The following KIF3C variants were observed in gnomAD, a reference collection of about 807,000 sequenced individuals.
KIF3C encodes kinesin-like protein KIF3C.
Under a neutral mutation model 67.7 loss-of-function variants are expected in KIF3C, and 12 were observed. The observed-to-expected ratio is 0.18, with a 90% confidence interval of 0.11 to 0.29. The LOEUF (loss-of-function observed/expected upper bound fraction) is 0.29. KIF3C is among the 10% of genes least tolerant of loss of function. KIF3C has a pLI of 1.00. For missense variants in KIF3C, 789 were observed against 1,059.6 expected (o/e 0.74, Z 3.55); for synonymous variants, 393 against 426.2 (o/e 0.92, Z 0.96).
At chr2:25,977,310 G>A (rs1217703919) in intron 1 of KIF3C, among the ~76,000 whole-genome samples, 1 of 152,164 alleles carries the variant, frequency 6.6e-6, no homozygotes, top group Non-Finnish European at 1.5e-5. Flanking sequence ...GAGTGAATGA[G>A]GGCACTGGGT....
intron 5 of KIF3C, among the ~76,000 whole-genome samples, chr2:25,935,988 G>A (rs1482699122): frequency 6.6e-6 from 1 of 151,888 alleles, no homozygotes; most frequent in South Asian, 2.1e-4. Flanking sequence ...TCGGGAGGCT[G>A]AGACTGGAGA....
intron 5 of KIF3C, among the ~76,000 whole-genome samples, chr2:25,930,846 C>A (rs1344652871): frequency 6.6e-6 from 1 of 151,992 alleles, no homozygotes; most frequent in South Asian, 2.1e-4. Context: ...GCCTAACACC[C>A]GGCTAATTTT....
intron 1 of KIF3C, among the ~76,000 whole-genome samples, chr2:25,972,652 G>A (rs1440763054): frequency 1.3e-5 from 2 of 152,180 alleles, no homozygotes; most frequent in Non-Finnish European, 1.5e-5. Flanking sequence ...ACATGTGGAT[G>A]GAACCAGATC....
intron 5 of KIF3C, among the ~76,000 whole-genome samples, chr2:25,937,913 G>GGT (rs1663175634): frequency 6.7e-6 from 1 of 148,396 alleles, no homozygotes; most frequent in Non-Finnish European, 1.5e-5. Flanking sequence ...AAATTAGCTG[G>GGT]GTGTGGTAGC....
intron 1 of KIF3C, among the ~76,000 whole-genome samples, chr2:25,977,717 T>C (rs1018951575): frequency 1.3e-5 from 2 of 152,142 alleles, no homozygotes; most frequent in Non-Finnish European, 2.9e-5. Context: ...CCCTGGGAAA[T>C]AGGCAGGACT....
intron 1 of KIF3C, among the ~76,000 whole-genome samples, chr2:25,977,124 T>G (rs1664439086): frequency 6.6e-6 from 1 of 152,082 alleles, no homozygotes; most frequent in Admixed American, 6.6e-5. Flanking sequence ...CTCACACATT[T>G]GCACACCCGA....
chr2:25,928,542 T>G lies in KIF3C; in HGVS notation c.*436A>C, dbSNP rs1199333168. 1 of 156,232 alleles carries G rather than the reference T, an allele frequency of 6.4e-6. No homozygotes were observed. The allele number at this position is 156,232 out of a possible 1,614,324, so 9.7% of individuals were successfully genotyped here. On this transcript the variant is annotated 3_prime_UTR_variant, in exon 8 of 8. Transcript: ENST00000264712. The stretch of plus-strand genomic sequence containing the variant: ...CAAGCAGTCTCCCAGTCCCAGAAAG[T>G]GCTCAGGGGCTGCTCGCCATCAGTG...
chr2:25,962,889 AATATAAAATATATATAATATATAAT>A (rs1664004593), intron 1 of KIF3C, among the ~76,000 whole-genome samples: 2 of 61,158 alleles, frequency 3.3e-5, no homozygotes, highest in Non-Finnish European at 5.5e-5. Flanking sequence ...AAATATATAT[AATATAAAATATATATAATATATAAT>A]ATATATAATA....
chr2:25,962,981 AATATATAAT>A (rs1425852648), intron 1 of KIF3C, among the ~76,000 whole-genome samples: 5 of 44,088 alleles, frequency 1.1e-4, no homozygotes, highest in East Asian at 2.2e-3. Flanking sequence ...TATAATATAT[AATATATAAT>A]ATATATAATA....
intron 1 of KIF3C, among the ~76,000 whole-genome samples, chr2:25,976,323 C>T (rs192531822): frequency 6.6e-6 from 1 of 152,306 alleles, no homozygotes; most frequent in Non-Finnish European, 1.5e-5. Flanking sequence ...TCCCTCCAGA[C>T]CTTCTTATTG....
intron 5 of KIF3C, among the ~76,000 whole-genome samples, chr2:25,932,659 C>A (rs1469895628): frequency 1.3e-5 from 2 of 150,058 alleles, no homozygotes; most frequent in Non-Finnish European, 3.0e-5. Context: ...ATGGTGAAAC[C>A]CTGTCTTTAC....
intron 1 of KIF3C, among the ~76,000 whole-genome samples, chr2:25,973,724 T>C (rs1664338456): frequency 6.6e-6 from 1 of 152,146 alleles, no homozygotes; most frequent in Non-Finnish European, 1.5e-5. Flanking sequence ...CCTGCTTCCA[T>C]AATTCGTACT....
chr2:25,971,699 C>A (rs150274714), intron 1 of KIF3C, among the ~76,000 whole-genome samples: 1 of 151,522 alleles, frequency 6.6e-6, no homozygotes, highest in African/African-American at 2.4e-5. Flanking sequence ...GAAAGAGAGA[C>A]CATTTTGTTT....
chr2:25,980,512 T>G lies in KIF3C; in HGVS notation c.1406A>C (p.Glu469Ala), dbSNP rs752200111. The G allele has an allele frequency of 1.9e-6, 3 of 1,612,990 alleles. No individual in the cohort carries two copies. Among genetic ancestry groups the G allele is most frequent in the Non-Finnish European group, 2.5e-6 (3 of 1,179,922 alleles). ...ATCCTGGATGGCTGCCTTCTCCTCC[T>G]CCAGCCGCTCCTTCTGTTCCTGCAG... The part of the protein sequence containing the change: ...NYLQEQKERL[E>A]EEKAAIQDDR... The change falls in exon 1 of 8, where the codon GAG becomes GCG. Residue 469 changes from glutamate (E) to alanine (A), a missense_variant. Transcript: ENST00000264712. The surrounding 1 kb of genome is among the most constrained non-coding windows in gnomAD (Gnocchi z 7.6).
Position 25,978,453 on chromosome 2 carries a change from C to T in KIF3C, c.1545+1920G>A, listed in dbSNP as rs570756555. 5.3e-5 allele frequency among the ~76,000 whole-genome samples: 8 copies of T among 152,268 alleles called. No individual in the cohort carries two copies. In the East Asian group the frequency reaches 1.4e-3, roughly 26 times the overall value. ...CCATATATAAAGGGGCTAGGCTCTC[C>T]TCAACTCACCTGTGTGGCCCTGGGC... On this transcript the variant is annotated intron_variant, in intron 1 of 7. Transcript: ENST00000264712.
rs141458236 is a variant in KIF3C, at chr2:25,941,744, TAGTC to T, written c.2006+10041_2006+10044del. Among the ~76,000 whole-genome samples, 696 of 151,960 alleles carry T rather than the reference TAGTC, an allele frequency of 4.6e-3. 8 individuals are homozygous for T. The highest frequency in any genetic ancestry group is 0.016 in the African/African-American group (658 of 41,470). ...CTCATCTCTAAAATAAATAAAAAAT[TAGTC>T]AGGCATGGTGGCACAAGCCTGAGGT... On this transcript the variant is annotated intron_variant, in intron 5 of 7. Transcript: ENST00000264712.
chr2:25,933,433 G>T (rs960050028), intron 5 of KIF3C, among the ~76,000 whole-genome samples: 14 of 152,198 alleles, frequency 9.2e-5, no homozygotes, highest in African/African-American at 2.2e-4. Flanking sequence ...CACTTTGGGA[G>T]GCTGAGGCAT....
chr2:25,963,150 GTGTGTGTGTATGTA>G (rs1425267621), intron 1 of KIF3C, among the ~76,000 whole-genome samples: 2 of 87,698 alleles, frequency 2.3e-5, no homozygotes, highest in Non-Finnish European at 4.1e-5. Context: ...GCATATATGT[GTGTGTGTGTATGTA>G]TGTGTGTGTG....
intron 1 of KIF3C, among the ~76,000 whole-genome samples, chr2:25,977,707 C>G (rs753906748): frequency 6.6e-6 from 1 of 152,172 alleles, no homozygotes; most frequent in Non-Finnish European, 1.5e-5. Flanking sequence ...TAATCCTCAA[C>G]CCTGGGAAAT....
Sources: allele counts gnomAD v4.1 joint callset (sites outside exome capture counted in the v4.1 genomes callset), GRCh38; gene constraint gnomAD v4.1.1; non-coding constraint Gnocchi (gnomAD v3.1); transcripts MANE v1.5; gene names NCBI Gene and HGNC (gene_info 2026-07-23, HGNC 2026-07-21).